The following VWA3A variants were observed in gnomAD, a reference collection of about 807,000 sequenced individuals.
The protein encoded by VWA3A is von Willebrand factor A domain-containing protein 3A.
A neutral mutation model predicts 160.4 loss-of-function variants in VWA3A; 134 were observed. That is an observed-to-expected ratio of 0.84 (90% confidence interval 0.73 to 0.96). The LOEUF is 0.96. VWA3A is among the 40% of genes least tolerant of loss of function. The pLI is 0.00. For missense variants in VWA3A, 1,310 were observed against 1,447.9 expected (o/e 0.90, Z 1.55); for synonymous variants, 476 against 543.4 (o/e 0.88, Z 1.72).
intron 5 of VWA3A, among the ~76,000 whole-genome samples, chr16:22,101,891 C>G (rs1411409692): frequency 6.6e-6 from 1 of 152,226 alleles, no homozygotes; most frequent in Non-Finnish European, 1.5e-5. Flanking sequence ...TTTCAGAGGA[C>G]TGGCTTTCAG....
At chr16:22,150,368 T>C (rs915208218) in intron 29 of VWA3A, among the ~76,000 whole-genome samples, 1 of 152,004 alleles carries the variant, frequency 6.6e-6, no homozygotes, top group African/African-American at 2.4e-5. Context: ...ACCATTGCAC[T>C]CCAGCCTGGG....
intron 6 of VWA3A, among the ~76,000 whole-genome samples, chr16:22,105,075 C>T (rs878961994): frequency 2.6e-5 from 4 of 152,264 alleles, no homozygotes; most frequent in South Asian, 2.1e-4. Context: ...CTTGCTTGGA[C>T]GAGTTGAGTC....
chr16:22,121,758 C>T, intron 14 of VWA3A, 141 bp downstream of exon 14: 2 of 659,754 alleles, frequency 3.0e-6, no homozygotes. Context: ...ACATCAAATC[C>T]ACTGTAGCTG....
In VWA3A at chr16:22,144,395, ATTTTCATCATCGTCTTTT is replaced by A; in HGVS notation, c.2730+17_2730+34del. 1 of 1,610,370 alleles carries A rather than the reference ATTTTCATCATCGTCTTTT, an allele frequency of 6.2e-7. No individual in the cohort carries two copies. The highest frequency in any genetic ancestry group is 8.5e-7 in the Non-Finnish European group (1 of 1,179,078). On this transcript the variant is annotated intron_variant, in intron 26 of 33. Transcript: ENST00000389398. ...AGCGTTGAGATCCATGTAAGTCACA[ATTTTCATCATCGTCTTTT>A]TTTTCTCCCCCAACTCAGCTGCAAA...
rs188416178 is a variant in VWA3A, at chr16:22,103,004, C to T, written c.429-471C>T. On this transcript the variant is annotated intron_variant, in intron 5 of 33. Coordinates refer to ENST00000389398, the MANE Select transcript of VWA3A (RefSeq NM_173615.5). ...AGAGCAGCACCTATACACTCGATCC[C>T]TTTCACAATCTCCTTATACCTAGTG... 1.0e-3 allele frequency among the ~76,000 whole-genome samples: 156 copies of T among 152,300 alleles called. 1 individual carries two copies. The highest frequency in any genetic ancestry group is 9.9e-3 in the Admixed American group (152 of 15,288).
intron 30 of VWA3A, among the ~76,000 whole-genome samples, chr16:22,151,955 T>C (rs1192744444): frequency 6.6e-6 from 1 of 152,048 alleles, no homozygotes; most frequent in African/African-American, 2.4e-5. Flanking sequence ...ATGACTGTAA[T>C]CCCAGCACTT....
At chr16:22,146,164 T>C (rs1439862237) in intron 26 of VWA3A, 72 bp from the exon 27 acceptor site, 3 of 1,233,376 alleles carry the variant, frequency 2.4e-6, no homozygotes, top group African/African-American at 3.0e-5. Context: ...GAATAAACAA[T>C]TTTAGGGGGT....
At chr16:22,111,202 A>G (rs1470967759) in intron 8 of VWA3A, among the ~76,000 whole-genome samples, 3 of 152,222 alleles carry the variant, frequency 2.0e-5, no homozygotes, top group Non-Finnish European at 2.9e-5. Context: ...GGTGACCACA[A>G]GACACTATTT....
chr16:22,105,676 A>C (rs778178253), intron 6 of VWA3A, among the ~76,000 whole-genome samples: 7 of 152,232 alleles, frequency 4.6e-5, no homozygotes, highest in African/African-American at 1.7e-4. Context: ...CCAGGCTCCA[A>C]TTGCCTCTTA....
chr16:22,126,154 C>T (rs1373803492), intron 16 of VWA3A, 24 bp from the exon 17 acceptor site: 4 of 1,613,004 alleles, frequency 2.5e-6, no homozygotes, highest in Non-Finnish European at 8.5e-7. Context: ...CGGTTCTCCT[C>T]TTAAAGCTCG....
intron 22 of VWA3A, 35 bp from the exon 23 acceptor site, chr16:22,140,119 C>T: frequency 1.9e-5 from 31 of 1,596,280 alleles, no homozygotes; most frequent in Non-Finnish European, 2.6e-5. Context: ...ACACAGGGAA[C>T]ACTCCTCTGA....
rs185109365 is a variant in VWA3A, at chr16:22,095,928, A to G, written c.15-931A>G. Among the ~76,000 whole-genome samples, 6 of 152,152 alleles carry G rather than the reference A, an allele frequency of 3.9e-5. No individual in the cohort carries two copies. In the East Asian group the frequency reaches 1.2e-3, roughly 29 times the overall value. The stretch of plus-strand genomic sequence containing the variant: ...ACTTTCCACAATTTGTAATTATTTT[A>G]TTTAGTTTTTTAATATCAGTCTCCC... On this transcript the variant is annotated intron_variant, in intron 1 of 33. Transcript: ENST00000389398.
intron 12 of VWA3A, among the ~76,000 whole-genome samples, chr16:22,120,635 G>A (rs2045716135): frequency 6.6e-6 from 1 of 152,166 alleles, no homozygotes; most frequent in Non-Finnish European, 1.5e-5. Context: ...GGCCAGGTGG[G>A]AGCTCACTAA....
At position 22,156,713 on chromosome 16, in the gene VWA3A, A is replaced by G. The variant is rs1178148768; in HGVS notation, c.*696A>G. 4 of 152,200 alleles carry G rather than the reference A, an allele frequency of 2.6e-5. No homozygotes were observed. Among genetic ancestry groups the G allele is most frequent in the Non-Finnish European group, 4.4e-5 (3 of 68,056 alleles). 9.4% of individuals were successfully genotyped at this position (152,200 alleles called of 1,614,324 possible). ...GCTAATGCAGAGTCACAGTCAGCCC[A>G]TCCTGGGGGAAGAAGAAACAAGTGA... On this transcript the variant is annotated 3_prime_UTR_variant, in exon 34 of 34. Transcript: ENST00000389398.
intron 6 of VWA3A, among the ~76,000 whole-genome samples, chr16:22,107,719 A>G (rs2045501247): frequency 6.6e-6 from 1 of 152,168 alleles, no homozygotes; most frequent in Admixed American, 6.5e-5. Flanking sequence ...GTGCACATGG[A>G]AGCTCTTGTT....
rs1349773511 is a variant in VWA3A at position 22,117,092 on chromosome 16, C to T, written c.925-19C>T. ...TGGTGTTGCCCTAGTGAGGCCTGAC[C>T]CTGGCCTCATCCCTGCAGGCTGTCC... is the stretch of plus-strand genomic sequence containing the variant. On this transcript the variant is annotated intron_variant, in intron 10 of 33. Transcript: ENST00000389398. The T allele has an allele frequency of 1.3e-6, 2 of 1,570,522 alleles. No individual in the cohort carries two copies. Among genetic ancestry groups the T allele is most frequent in the East Asian group, 2.4e-5 (1 of 42,438 alleles).
intron 17 of VWA3A, among the ~76,000 whole-genome samples, chr16:22,128,808 C>G (rs2045896766): frequency 6.6e-6 from 1 of 152,090 alleles, no homozygotes; most frequent in Admixed American, 6.6e-5. Context: ...AGGCCATAAT[C>G]CTTAGCAAAC....
chr16:22,144,137 A>G, intron 25 of VWA3A, 110 bp from the exon 26 acceptor site: 1 of 1,339,548 alleles, frequency 7.5e-7, no homozygotes, highest in Non-Finnish European at 1.0e-6. Flanking sequence ...GGAATCCCAC[A>G]TTTCAAACAT....
intron 8 of VWA3A, among the ~76,000 whole-genome samples, chr16:22,112,498 C>T (rs866289014): frequency 1.3e-5 from 2 of 152,080 alleles, no homozygotes; most frequent in Non-Finnish European, 2.9e-5. Context: ...GTGGGAGGAT[C>T]GCTTGAGCCC....
Sources: gnomAD v4.1 joint callset for allele counts (sites outside exome capture counted in the v4.1 genomes callset) on GRCh38, gnomAD v4.1.1 for gene constraint, MANE v1.5 for transcripts, NCBI Gene and HGNC (gene_info 2026-07-23, HGNC 2026-07-21) for gene names.